CYP2A7: variants seen among roughly 807,000 people sequenced by gnomAD.
The protein encoded by CYP2A7 is cytochrome P450 2A7.
Under a neutral mutation model 42.0 loss-of-function variants are expected in CYP2A7, and 36 were observed. The ratio of observed to expected loss-of-function variants is 0.86; its 90% confidence interval spans 0.66 to 1.13. The LOEUF (loss-of-function observed/expected upper bound fraction) is 1.13, where lower values mean the gene tolerates loss of function less well. Among genes scored for constraint, CYP2A7 ranks in the 50% most tolerant of loss-of-function variants. The pLI is 0.00. For synonymous variants in CYP2A7, 260 were observed against 249.5 expected (o/e 1.04, Z -0.40); for missense variants, 661 against 634.1 (o/e 1.04, Z -0.46).
chr19:40,881,954 G>A, intron 1 of CYP2A7, 77 bp downstream of exon 1: 1 of 1,561,262 alleles, frequency 6.4e-7, no homozygotes, highest in Non-Finnish European at 8.7e-7. Context: ...GTCCACACTG[G>A]TCAATCCCCT....
Position 40,876,746 on chromosome 19 carries a change from C to G in CYP2A7, c.1162-78G>C. On this transcript the variant is annotated intron_variant, in intron 7 of 8. Coordinates refer to ENST00000301146, the MANE Select transcript of CYP2A7 (RefSeq NM_000764.3). ...AAGTACACAGGGGCTGGAGGGGGAACTAGTGTGCCCCAGGTAAGGGGAAGT... is the reference window on the plus strand; with the variant it reads ...AAGTACACAGGGGCTGGAGGGGGAAGTAGTGTGCCCCAGGTAAGGGGAAGT... The G allele has an allele frequency of 4.6e-6, 7 of 1,529,086 alleles. 1 individual carries two copies. The highest frequency in any genetic ancestry group is 6.2e-6 in the Non-Finnish European group (7 of 1,131,372). The allele number at this position is 1,529,086 out of a possible 1,614,324, so 94.7% of individuals were successfully genotyped here.
Position 40,881,666 on chromosome 19 carries a change from T to G in CYP2A7, c.266A>C (p.Glu89Ala), listed in dbSNP as rs762008461. 12 of 1,613,128 alleles carry G rather than the reference T, an allele frequency of 7.4e-6. No individual in the cohort carries two copies. Among genetic ancestry groups the G allele is most frequent in the Non-Finnish European group, 1.0e-5 (12 of 1,179,712 alleles). Residue 89 changes from glutamate to alanine, a missense_variant, in exon 2 of 9, where the codon GAG (glutamate) becomes GCG (alanine). By Grantham distance (107) the Glu-to-Ala change is moderately radical. Coordinates refer to ENST00000301146, the MANE Select transcript of CYP2A7 (RefSeq NM_000764.3). ...CTCCTCAGCCTGGTCCACCAGAGCCTCCCTGACGGCATCATGTCCACACAG... is the reference window on the plus strand; with the variant it reads ...CTCCTCAGCCTGGTCCACCAGAGCCGCCCTGACGGCATCATGTCCACACAG... ...VVLCGHDAVR[E>A]ALVDQAEEFS... is the part of the protein sequence containing the mutation.
rs1304186537 is a variant in CYP2A7 at position 40,880,201 on chromosome 19, G to T, written c.537C>A (p.Ser179=). The T allele has an allele frequency of 1.2e-6, 2 of 1,612,968 alleles. No individual in the cohort carries two copies. The highest frequency in any genetic ancestry group is 2.2e-5 in the East Asian group (1 of 44,864). ...CAAAGACAATGGAGCTGATGACATT[G>T]GAGACTGTGCGGCTCAGGAAGAAGG... The part of the protein sequence containing the change: ...DPTFFLSRTV[S]NVISSIVFGD... Residue 179 remains serine, a synonymous_variant, in exon 4 of 9, where the codon TCC becomes TCA. Transcript: ENST00000301146.
At position 40,880,494 on chromosome 19, in the gene CYP2A7, T is replaced by G. The variant is rs754406774; in HGVS notation, c.478A>C (p.Ile160Leu). 44 of 1,612,454 alleles carry G rather than the reference T, an allele frequency of 2.7e-5. No individual in the cohort carries two copies. Among genetic ancestry groups the G allele is most frequent in the Middle Eastern group, 1.6e-4 (1 of 6,080 alleles). Residue 160 changes from isoleucine to leucine, a missense_variant, in exon 3 of 9, where the codon ATC (isoleucine) becomes CTC (leucine). Physicochemically the swap from Ile to Leu is conservative, Grantham distance 5. Coordinates refer to ENST00000301146, the MANE Select transcript of CYP2A7 (RefSeq NM_000764.3). ...QEESGFLIEA[I>L]RSTHGANIDP... Reference sequence around the variant, plus strand: ...CCTTACTCACCGTGCGTGCTCCGGATGGCCTCGATGAGGAAGCCCGACTCC... The same window carrying G: ...CCTTACTCACCGTGCGTGCTCCGGAGGGCCTCGATGAGGAAGCCCGACTCC...
chr19:40,876,974 T>C (rs1204427421), intron 7 of CYP2A7: 8 of 666,308 alleles, frequency 1.2e-5, no homozygotes, highest in African/African-American at 1.8e-5. Flanking sequence ...GTTTTGGAAC[T>C]TGAGTTTGAT....
At position 40,877,190 on chromosome 19, in the gene CYP2A7, C is replaced by G. The variant is rs190860163; in HGVS notation, c.1161G>C (p.Lys387Asn). 6 of 1,612,438 alleles carry G rather than the reference C, an allele frequency of 3.7e-6. 1 individual carries two copies. Among genetic ancestry groups the G allele is most frequent in the Admixed American group, 3.3e-5 (2 of 59,848 alleles). Residue 387 changes from lysine to asparagine, a missense_variant and splice_region_variant, in exon 7 of 9, where the codon AAG becomes AAC. Around this residue, in one of 3 missense-constraint regions of CYP2A7, gnomAD observed 614 missense variants for 552.4 expected, o/e 1.11. Coordinates refer to ENST00000301146, the MANE Select transcript of CYP2A7 (RefSeq NM_000764.3). ...DTKFRDFFLP[K>N]GTEVFPMLGS... ...GTCTAGGGGGTGGGGAGGATAGCAC[C>G]TTAGGGAGGAAAAAATCCCGAAACT...
chr19:40,876,071 T>A (rs968437084), intron 8 of CYP2A7, among the ~76,000 whole-genome samples, 197 bp from the exon 9 acceptor site: 2 of 151,730 alleles, frequency 1.3e-5, no homozygotes, highest in African/African-American at 4.8e-5. Flanking sequence ...GAACCAATAT[T>A]GATATATTAT....
At chr19:40,881,903 C>G in intron 1 of CYP2A7, 128 bp downstream of exon 1, 1 of 1,502,106 alleles carries the variant, frequency 6.7e-7, no homozygotes. Flanking sequence ...TGGCTAGGAC[C>G]CGGATGCTGA....
intron 2 of CYP2A7, among the ~76,000 whole-genome samples, chr19:40,881,270 A>C (rs1967676243): frequency 6.6e-6 from 1 of 151,564 alleles, no homozygotes; most frequent in South Asian, 2.1e-4. Context: ...ACAAAAAGAC[A>C]AATGAAGACA....
intron 4 of CYP2A7, 84 bp downstream of exon 4, chr19:40,880,000 G>A: frequency 6.3e-7 from 1 of 1,577,786 alleles, no homozygotes. Flanking sequence ...GAGCGGGGTG[G>A]GAGTTTGGGG....
chr19:40,881,474 C>T (rs1289666860), intron 2 of CYP2A7, 115 bp downstream of exon 2: 18 of 1,544,732 alleles, frequency 1.2e-5, no homozygotes, highest in African/African-American at 2.7e-5. Flanking sequence ...GAGATAAGAC[C>T]AGACCGGGGG....
Position 40,878,776 on chromosome 19 carries a change from A to T in CYP2A7, c.815T>A (p.Leu272His). The T allele has an allele frequency of 6.2e-7, 1 of 1,611,138 alleles. No homozygotes were observed. Among genetic ancestry groups the T allele is most frequent in the Non-Finnish European group, 8.5e-7 (1 of 1,178,092 alleles). ...NSPQDFIDSF[L>H]IHMQEEEKNP... is the part of the protein sequence containing the mutation. ...GGGGTGTACCTCCTGCATGTGGATG[A>T]GAAAGGAGTCGATGAAGTCCTGTGG... Residue 272 changes from leucine to histidine, a missense_variant, in exon 5 of 9, where the codon CTC (leucine) becomes CAC (histidine). Physicochemically the swap from Leu to His is moderately conservative, Grantham distance 99. Coordinates refer to ENST00000301146, the MANE Select transcript of CYP2A7 (RefSeq NM_000764.3).
chr19:40,880,608 C>G lies in CYP2A7; in HGVS notation c.364G>C (p.Glu122Gln). Reference sequence around the variant, plus strand: ...AAGCGCAGGAGCTGCTTGGCGCGCTCCCCGTTGCTGAACGCCACGCCTGGG... The same window carrying G: ...AAGCGCAGGAGCTGCTTGGCGCGCTGCCCGTTGCTGAACGCCACGCCTGGG... ...KGYGVAFSNG[E>Q]RAKQLLRFAI... The change falls in exon 3 of 9, where the codon GAG becomes CAG. Residue 122 changes from glutamate (E) to glutamine (Q), a missense_variant. Glu to Gln is a conservative substitution (Grantham distance 29). Transcript: ENST00000301146. 6.3e-7 allele frequency: 1 copy of G among 1,576,742 alleles called. No individual in the cohort carries two copies. Among genetic ancestry groups the G allele is most frequent in the East Asian group, 2.3e-5 (1 of 44,374 alleles).
intron 4 of CYP2A7, among the ~76,000 whole-genome samples, chr19:40,879,541 C>T (rs1245427287): frequency 4.0e-5 from 6 of 151,836 alleles, no homozygotes; most frequent in Non-Finnish European, 5.9e-5. Flanking sequence ...TGTCAGGGAA[C>T]AATCTGTCTA....
chr19:40,880,083 C>A lies in CYP2A7; in HGVS notation c.654+1G>T, dbSNP rs774383887. On this transcript the variant is annotated splice_donor_variant, in intron 4 of 8. Transcript: ENST00000301146. LOFTEE classifies it high-confidence loss of function. ...TCACGGGCCGGGCTGCAGCCAGTTACCTGCCCCGTGGAGGTTGACGTGAAC... is the reference window on the plus strand; with the variant it reads ...TCACGGGCCGGGCTGCAGCCAGTTAACTGCCCCGTGGAGGTTGACGTGAAC... 11 of 1,612,612 alleles carry A rather than the reference C, an allele frequency of 6.8e-6. No individual in the cohort carries two copies. The highest frequency in any genetic ancestry group is 9.3e-6 in the Non-Finnish European group (11 of 1,179,000).
rs746242104 is a variant in CYP2A7, at chr19:40,881,547, G to A, written c.343+42C>T. The A allele has an allele frequency of 6.3e-5, 102 of 1,609,322 alleles. No individual in the cohort carries two copies. The African/African-American group carries it at 1.2e-3, about 20-fold the overall frequency. ...GAAGGCTGGCAACACTGAGACCATC[G>A]TGTCCGCCTGGCCACCTTCCCCATC... is the stretch of plus-strand genomic sequence containing the variant. On this transcript the variant is annotated intron_variant, in intron 2 of 8. Coordinates refer to ENST00000301146, the MANE Select transcript of CYP2A7 (RefSeq NM_000764.3).
rs1471447876 is a variant in CYP2A7 at position 40,878,960 on chromosome 19, G to A, written c.655-24C>T. 3.8e-6 allele frequency: 6 copies of A among 1,597,508 alleles called. No individual in the cohort carries two copies. In the East Asian group the frequency reaches 1.3e-4, roughly 36 times the overall value. On this transcript the variant is annotated intron_variant, in intron 4 of 8. Coordinates refer to ENST00000301146, the MANE Select transcript of CYP2A7 (RefSeq NM_000764.3). The stretch of plus-strand genomic sequence containing the variant: ...AGCTGGGGTTGCAGAGAGAGGATGG[G>A]AAGGGAAGGACAGCTGTCACGGGGC...
chr19:40,881,460 T>G (rs1599795439), intron 2 of CYP2A7, 129 bp downstream of exon 2: 1 of 1,492,238 alleles, frequency 6.7e-7, no homozygotes. Context: ...TGAAGGGAGA[T>G]GGGGAGATAA....
intron 5 of CYP2A7, among the ~76,000 whole-genome samples, chr19:40,878,539 TG>T (rs1337599385): frequency 6.6e-6 from 1 of 151,874 alleles, no homozygotes; most frequent in African/African-American, 2.4e-5. Context: ...TTGACCATGT[TG>T]GCCAGGCTGG....
Sources: allele counts gnomAD v4.1 joint callset (sites outside exome capture counted in the v4.1 genomes callset), GRCh38; gene constraint gnomAD v4.1.1; regional missense constraint gnomAD v4.1.1; transcripts MANE v1.5; gene names NCBI Gene and HGNC (gene_info 2026-07-23, HGNC 2026-07-21).